The following SGCZ variants were observed in gnomAD, a reference collection of about 807,000 sequenced individuals.
The protein encoded by SGCZ is zeta-sarcoglycan.
In SGCZ, 40 loss-of-function variants were observed where a neutral mutation model predicts 41.3. The ratio of observed to expected loss-of-function variants is 0.97; its 90% CI spans 0.75 to 1.26. The LOEUF is 1.26. Ranked by LOEUF, SGCZ falls within the 50% of genes most tolerant of loss-of-function variation. The probability of loss-of-function intolerance (pLI) is 0.00; values close to 1 mark genes in which losing one functional copy is unlikely to be tolerated. For synonymous variants in SGCZ, 206 were observed against 137.5 expected (o/e 1.50, Z -3.49); for missense variants, 552 against 369.8 (o/e 1.49, Z -4.04).
chr8:15,224,292 T>C (rs551300834), intron 1 of SGCZ, among the ~76,000 whole-genome samples: 1 of 152,340 alleles, frequency 6.6e-6, no homozygotes, highest in South Asian at 2.1e-4. Context: ...AGACACATTA[T>C]AATAAAATTG....
intron 4 of SGCZ, among the ~76,000 whole-genome samples, chr8:14,179,279 A>G (rs1198852376): frequency 6.6e-6 from 1 of 152,250 alleles, no homozygotes; most frequent in East Asian, 1.9e-4. Context: ...CCCCCTGTAC[A>G]TGCAGCCGTA....
intron 2 of SGCZ, among the ~76,000 whole-genome samples, chr8:14,553,583 AGTGTCT>A (rs1803938540): frequency 1.3e-5 from 2 of 152,020 alleles, no homozygotes; most frequent in African/African-American, 4.8e-5. Context: ...GCAAGGTGAC[AGTGTCT>A]CCTCTCTGGA....
At chr8:14,136,993 G>A (rs1803219211) in intron 5 of SGCZ, among the ~76,000 whole-genome samples, 1 of 152,170 alleles carries the variant, frequency 6.6e-6, no homozygotes, top group South Asian at 2.1e-4. Context: ...TGCAATATTT[G>A]CTGTTCTGCA....
intron 1 of SGCZ, among the ~76,000 whole-genome samples, chr8:14,981,638 A>G (rs1245367511): frequency 6.6e-6 from 1 of 152,166 alleles, no homozygotes; most frequent in Non-Finnish European, 1.5e-5. Context: ...ATGTGGTCCA[A>G]CTCACATGAT....
In SGCZ at chr8:15,205,486, A is replaced by G. The variant is rs924030991; in HGVS notation, c.39+32099T>C. 3.9e-5 allele frequency among the ~76,000 whole-genome samples: 6 copies of G among 152,208 alleles called. No homozygotes were observed. In the East Asian group the frequency reaches 9.6e-4, roughly 24 times the overall value. On this transcript the variant is annotated intron_variant, in intron 1 of 7. Transcript: ENST00000382080. ...CCAAAGGAAAACATACATGTGGCCA[A>G]CAATCACATCAAAGAAAAGCTCATT...
At chr8:14,894,154 C>G (rs1805114234) in intron 1 of SGCZ, among the ~76,000 whole-genome samples, 1 of 152,034 alleles carries the variant, frequency 6.6e-6, no homozygotes, top group African/African-American at 2.4e-5. Context: ...AAAATATTCA[C>G]TAAATACAGA....
At chr8:14,090,944 C>A (rs938231961) in intron 7 of SGCZ, among the ~76,000 whole-genome samples, 2 of 151,914 alleles carry the variant, frequency 1.3e-5, no homozygotes, top group Non-Finnish European at 2.9e-5. Context: ...ATGATTTTGA[C>A]AGTCTCTCAA....
chr8:15,154,554 T>C (rs779132059), intron 1 of SGCZ, among the ~76,000 whole-genome samples: 6 of 152,286 alleles, frequency 3.9e-5, no homozygotes, highest in Middle Eastern at 3.4e-3. Context: ...TAGTCTATCA[T>C]GGAGTAAACA....
chr8:14,405,000 A>C (rs1011522843), intron 2 of SGCZ, among the ~76,000 whole-genome samples: 3 of 152,132 alleles, frequency 2.0e-5, no homozygotes, highest in African/African-American at 7.2e-5. Context: ...TCGTGATTGC[A>C]CATCCAGCCT....
At chr8:14,858,977 T>C (rs544170113) in intron 1 of SGCZ, among the ~76,000 whole-genome samples, 1 of 152,284 alleles carries the variant, frequency 6.6e-6, no homozygotes, top group African/African-American at 2.4e-5. Flanking sequence ...AGATTTACTT[T>C]GCTAATTTTT....
At chr8:14,691,507 T>C (rs2117571470) in intron 1 of SGCZ, among the ~76,000 whole-genome samples, 1 of 152,104 alleles carries the variant, frequency 6.6e-6, no homozygotes, top group Non-Finnish European at 1.5e-5. Flanking sequence ...TATATGATTG[T>C]AAAAGATCAG....
intron 1 of SGCZ, among the ~76,000 whole-genome samples, chr8:14,784,963 A>G (rs1291060069): frequency 7.2e-6 from 1 of 139,816 alleles, no homozygotes; most frequent in Non-Finnish European, 1.5e-5. Flanking sequence ...TATTATATAT[A>G]TATAATATAT....
chr8:14,938,945 A>G (rs1405797113), intron 1 of SGCZ, among the ~76,000 whole-genome samples: 5 of 152,034 alleles, frequency 3.3e-5, no homozygotes, highest in Non-Finnish European at 5.9e-5. Flanking sequence ...AGGGTACTGC[A>G]TTATTTTCTG....
At chr8:14,389,490 A>T (rs1804684610) in intron 2 of SGCZ, among the ~76,000 whole-genome samples, 1 of 151,456 alleles carries the variant, frequency 6.6e-6, no homozygotes, top group South Asian at 2.1e-4. Flanking sequence ...AAAAAAAAAA[A>T]TAGGCTAACA....
intron 1 of SGCZ, among the ~76,000 whole-genome samples, chr8:15,211,904 G>C (rs1376724235): frequency 6.6e-6 from 1 of 151,932 alleles, no homozygotes; most frequent in Non-Finnish European, 1.5e-5. Flanking sequence ...GTTCACTTTT[G>C]GAATAAGGTT....
chr8:14,791,459 G>GA (rs113511615), intron 1 of SGCZ, among the ~76,000 whole-genome samples: 26 of 144,620 alleles, frequency 1.8e-4, no homozygotes, highest in South Asian at 4.4e-4. Flanking sequence ...GAAAATAAAA[G>GA]AAAAAAAAAA....
chr8:15,102,022 C>G (rs117886413), intron 1 of SGCZ, among the ~76,000 whole-genome samples: 6,368 of 152,226 alleles, frequency 0.042, 172 homozygotes, highest in East Asian at 0.08. Flanking sequence ...AATCACACCT[C>G]TAGCCTACCA....
intron 4 of SGCZ, among the ~76,000 whole-genome samples, chr8:14,170,077 T>A (rs1349653591): frequency 6.7e-6 from 1 of 149,864 alleles, no homozygotes; most frequent in Non-Finnish European, 1.5e-5. Flanking sequence ...TTTTTACTTT[T>A]CCTTTATTCT....
At chr8:14,837,897 G>C (rs142340972) in intron 1 of SGCZ, among the ~76,000 whole-genome samples, 49 of 152,080 alleles carry the variant, frequency 3.2e-4, no homozygotes, top group African/African-American at 1.2e-3. Flanking sequence ...ATCACCTCAA[G>C]CATTTACTGT....
Sources: gnomAD v4.1 joint callset for allele counts (sites outside exome capture counted in the v4.1 genomes callset) on GRCh38, gnomAD v4.1.1 for gene constraint, MANE v1.5 for transcripts, NCBI Gene and HGNC (gene_info 2026-07-23, HGNC 2026-07-21) for gene names.